The following RGP1 variants were observed in gnomAD, a reference collection of about 807,000 sequenced individuals.
The protein encoded by RGP1 is RGP1 partner of RAB6A GEF complex.
In RGP1, 28 loss-of-function variants were observed where a neutral mutation model predicts 44.5. The observed-to-expected ratio is 0.63, with a 90% CI of 0.47 to 0.86. RGP1 has a LOEUF of 0.86. Among genes scored for constraint, RGP1 ranks in the 40% least tolerant of loss-of-function variants. The probability of loss-of-function intolerance (pLI) is 0.00; values close to 1 mark genes in which losing one functional copy is unlikely to be tolerated. For missense variants in RGP1, 417 were observed against 490.7 expected (o/e 0.85, Z 1.42); for synonymous variants, 212 against 196.7 (o/e 1.08, Z -0.65).
chr9:35,773,471 T>C, the RGP1 span, among the ~76,000 whole-genome samples: 1 of 152,100 alleles, frequency 6.6e-6, no homozygotes, highest in Non-Finnish European at 1.5e-5. Context: ...ACAGTCACTC[T>C]TAACATTTTG....
chr9:35,765,543 G>A, the RGP1 span, among the ~76,000 whole-genome samples: 9 of 151,996 alleles, frequency 5.9e-5, no homozygotes, highest in African/African-American at 1.4e-4. Context: ...TGTAGTCCCA[G>A]CTACTCGGGA....
chr9:35,782,560 C>CAAA, the RGP1 span, among the ~76,000 whole-genome samples: 1 of 152,104 alleles, frequency 6.6e-6, no homozygotes, highest in African/African-American at 2.4e-5. Context: ...GATTCTCCTG[C>CAAA]TCAGTCTCCC....
At chr9:35,765,835 C>CTT in the RGP1 span, among the ~76,000 whole-genome samples, 1,309 of 138,688 alleles carry the variant, frequency 9.4e-3, 12 homozygotes, top group African/African-American at 0.033. Context: ...TTCTTTCTTT[C>CTT]TTTTTTTTTT....
chr9:35,780,456 G>A, the RGP1 span: 4 of 152,228 alleles, frequency 2.6e-5, no homozygotes, highest in African/African-American at 9.7e-5. Flanking sequence ...GGCAGGTTAT[G>A]TTTATACCTG....
At chr9:35,789,069 G>A in the RGP1 span, among the ~76,000 whole-genome samples, 5 of 150,744 alleles carry the variant, frequency 3.3e-5, no homozygotes, top group Admixed American at 6.6e-5. Context: ...TTGCTCTGTC[G>A]CACAGTGGCG....
the RGP1 span, among the ~76,000 whole-genome samples, chr9:35,764,592 G>A: frequency 3.9e-5 from 6 of 152,252 alleles, no homozygotes; most frequent in Non-Finnish European, 8.8e-5. Context: ...ATATACCTGT[G>A]TAATCATCTT....
the RGP1 span, among the ~76,000 whole-genome samples, chr9:35,764,203 T>C: frequency 6.6e-6 from 1 of 152,234 alleles, no homozygotes; most frequent in Non-Finnish European, 1.5e-5. Flanking sequence ...TGAAGCATTA[T>C]CCTTTTGGGA....
At position 35,753,277 on chromosome 9, in the gene RGP1, G is replaced by T. The variant is rs1262013695; in HGVS notation, c.*403G>T. On this transcript the variant is annotated 3_prime_UTR_variant, in exon 9 of 9. Coordinates refer to ENST00000378078, the MANE Select transcript of RGP1 (RefSeq NM_001080496.3). This position sits in a 1 kb window ranked among gnomAD's most constrained non-coding sequence, Gnocchi z 4.2. ...CAGCCGGGAAGTCGATGGGATGCTG[G>T]GACCTGGGGAACCAAGGATAGGGGA... The T allele has an allele frequency of 8.7e-6, 14 of 1,613,356 alleles. No individual in the cohort carries two copies. Among genetic ancestry groups the T allele is most frequent in the Non-Finnish European group, 1.2e-5 (14 of 1,179,914 alleles).
chr9:35,753,778 A>G lies in RGP1; in HGVS notation c.*904A>G, dbSNP rs1306678779. The G allele has an allele frequency of 6.2e-7, 1 of 1,611,810 alleles. No homozygotes were observed. The highest frequency in any genetic ancestry group is 2.2e-5 in the East Asian group (1 of 44,882). On this transcript the variant is annotated 3_prime_UTR_variant, in exon 9 of 9. Coordinates refer to ENST00000378078, the MANE Select transcript of RGP1 (RefSeq NM_001080496.3). The surrounding 1 kb of genome is among the most constrained non-coding windows in gnomAD (Gnocchi z 4.2). ...TCATAGTGACAGGGGGCTAGGGAAG[A>G]ACGGGAAATGTTAGTAGGTGTAGGA...
the RGP1 span, among the ~76,000 whole-genome samples, chr9:35,783,786 C>A: frequency 2.6e-5 from 4 of 152,182 alleles, no homozygotes; most frequent in Admixed American, 6.5e-5. Context: ...ATACTGATTT[C>A]ATTTCCTTTG....
intron 6 of RGP1, 73 bp downstream of exon 6, chr9:35,751,485 AACC>A: frequency 1.9e-6 from 3 of 1,603,372 alleles, no homozygotes; most frequent in South Asian, 2.2e-5. Context: ...ACAGTCTCCT[AACC>A]ACCACACACT....
Position 35,753,148 on chromosome 9 carries a change from G to T in RGP1, c.*274G>T, listed in dbSNP as rs776254574. 1.2e-5 allele frequency: 19 copies of T among 1,614,212 alleles called. No individual in the cohort carries two copies. The Middle Eastern group carries it at 6.6e-4, about 56-fold the overall frequency. On this transcript the variant is annotated 3_prime_UTR_variant, in exon 9 of 9. Transcript: ENST00000378078. This position sits in a 1 kb window ranked among gnomAD's most constrained non-coding sequence, Gnocchi z 4.2. The stretch of plus-strand genomic sequence containing the variant: ...CCCCAGGAACAGGGGTGTTGGCTGA[G>T]CCCCATTCTGGGTCAGGCCCTCCCC...
chr9:35,755,853 C>T lies in RGP1; in HGVS notation c.*2979C>T, dbSNP rs1827351933. 6.6e-6 allele frequency: 1 copy of T among 152,260 alleles called. No homozygotes were observed. Among genetic ancestry groups the T allele is most frequent in the African/African-American group, 2.4e-5 (1 of 41,416 alleles). The allele number at this position is 152,260 out of a possible 1,614,324, so 9.4% of individuals were successfully genotyped here. ...TTCCCACCTCTTTCAAAAACAGGTA[C>T]CTCCAGGAACATTTTGGTTTTGGCC... On this transcript the variant is annotated 3_prime_UTR_variant, in exon 9 of 9. Transcript: ENST00000378078.
At position 35,757,015 on chromosome 9, in the gene RGP1, G is replaced by C. The variant is rs113772207; in HGVS notation, c.*4141G>C. On this transcript the variant is annotated 3_prime_UTR_variant, in exon 9 of 9. Transcript: ENST00000378078. Reference sequence around the variant, plus strand: ...GTGAGGACCAGGCCCGCTGGGTCCTGGGGGCGCGGTGGCTGGCGCGCAGGT... The same window carrying C: ...GTGAGGACCAGGCCCGCTGGGTCCTCGGGGCGCGGTGGCTGGCGCGCAGGT... 6.6e-6 allele frequency: 1 copy of C among 152,500 alleles called. No individual in the cohort carries two copies. Among genetic ancestry groups the C allele is most frequent in the South Asian group, 2.1e-4 (1 of 4,840 alleles). 9.4% of individuals were successfully genotyped at this position (152,500 alleles called of 1,614,324 possible).
chr9:35,772,636 A>G, the RGP1 span, among the ~76,000 whole-genome samples: 1 of 151,994 alleles, frequency 6.6e-6, no homozygotes, highest in East Asian at 1.9e-4. Flanking sequence ...CTAAAAATAC[A>G]AAAAATTAGC....
chr9:35,789,997 T>C, the RGP1 span, among the ~76,000 whole-genome samples: 1 of 152,260 alleles, frequency 6.6e-6, no homozygotes, highest in Non-Finnish European at 1.5e-5. Flanking sequence ...TCTGTAATTC[T>C]TTCAGGAATT....
chr9:35,789,043 C>A, the RGP1 span, among the ~76,000 whole-genome samples: 4 of 150,500 alleles, frequency 2.7e-5, no homozygotes, highest in Non-Finnish European at 5.9e-5. Context: ...TTTCTTTTTT[C>A]TTTTGAGATG....
the RGP1 span, among the ~76,000 whole-genome samples, chr9:35,778,322 G>A: frequency 6.6e-6 from 1 of 152,086 alleles, no homozygotes; most frequent in African/African-American, 2.4e-5. Context: ...TATACAAAAT[G>A]ATAGATAATG....
At position 35,751,383 on chromosome 9, in the gene RGP1, T is replaced by C; in HGVS notation, c.605T>C (p.Leu202Pro). Residue 202 changes from leucine to proline, a missense_variant, in exon 6 of 9, where the codon CTA becomes CCA. Coordinates refer to ENST00000378078, the MANE Select transcript of RGP1 (RefSeq NM_001080496.3). The part of the protein sequence containing the change: ...SWLAELAGER[L>P]MAATSCRSLH... ...CTAGCTGAGCTGGCTGGGGAACGCC[T>C]AATGGCTGCCACATCCTGCCGCAGC... The C allele has an allele frequency of 1.2e-6, 2 of 1,613,976 alleles. No individual in the cohort carries two copies. The highest frequency in any genetic ancestry group is 1.7e-6 in the Non-Finnish European group (2 of 1,179,870).
Sources: allele counts gnomAD v4.1 joint callset (sites outside exome capture counted in the v4.1 genomes callset), GRCh38; gene constraint gnomAD v4.1.1; non-coding constraint Gnocchi (gnomAD v3.1); transcripts MANE v1.5; gene names NCBI Gene and HGNC (gene_info 2026-07-23, HGNC 2026-07-21).